The following CNTNAP2 variants were observed in gnomAD, a reference collection of about 807,000 sequenced individuals.
CNTNAP2 encodes contactin-associated protein-like 2.
Under a neutral mutation model 155.2 loss-of-function variants are expected in CNTNAP2, and 98 were observed. The ratio of observed to expected loss-of-function variants is 0.63; its 90% CI spans 0.54 to 0.75. The LOEUF is 0.75. Ranked by LOEUF, CNTNAP2 falls within the 30% of genes least tolerant of loss-of-function variation. The pLI, the probability that CNTNAP2 is intolerant of heterozygous loss-of-function variation, is 0.00. For synonymous variants in CNTNAP2, 651 were observed against 631.2 expected, an observed-to-expected ratio of 1.03 and a Z score of -0.47; for missense variants, 1,727 against 1,688.1, an observed-to-expected ratio of 1.02 and a Z score of -0.40.
intron 9 of CNTNAP2, among the ~76,000 whole-genome samples, chr7:147,349,065 TTGTATACCAC>T (rs1450756102): frequency 6.6e-6 from 1 of 151,920 alleles, no homozygotes; most frequent in African/African-American, 2.4e-5. Flanking sequence ...AATTCTGGTG[TTGTATACCAC>T]TGTAGGATAA....
In CNTNAP2 at chr7:146,718,415, G is replaced by T. The variant is rs140877515; in HGVS notation, c.98-55856G>T. On this transcript the variant is annotated intron_variant, in intron 1 of 23. Transcript: ENST00000361727. Reference sequence around the variant, plus strand: ...ATTGACTGGAAGAATTGTGTCTCTTGGTGGGTAACTGTGCATGGGGTGCTA... The same window carrying T: ...ATTGACTGGAAGAATTGTGTCTCTTTGTGGGTAACTGTGCATGGGGTGCTA... Among the ~76,000 whole-genome samples the T allele has an allele frequency of 1.6e-3, 246 of 152,134 alleles. 2 individuals carry two copies. The highest frequency in any genetic ancestry group is 3.7e-3 in the African/African-American group (155 of 41,514).
intron 11 of CNTNAP2, among the ~76,000 whole-genome samples, chr7:147,559,859 C>T (rs1200937054): frequency 4.0e-5 from 5 of 125,088 alleles, no homozygotes; most frequent in African/African-American, 6.2e-5. Flanking sequence ...TATGTCTTGC[C>T]GATCTTAAAA....
chr7:147,064,376 A>G (rs1004089530), intron 4 of CNTNAP2, among the ~76,000 whole-genome samples: 4 of 152,206 alleles, frequency 2.6e-5, no homozygotes, highest in African/African-American at 9.6e-5. Context: ...TGTTAAGTGC[A>G]TATCCTACCA....
intron 10 of CNTNAP2, among the ~76,000 whole-genome samples, chr7:147,424,126 G>C (rs757055533): frequency 1.3e-5 from 2 of 151,972 alleles, no homozygotes; most frequent in Non-Finnish European, 2.9e-5. Flanking sequence ...ACTTCATTCC[G>C]CTGCTCCATT....
intron 8 of CNTNAP2, among the ~76,000 whole-genome samples, chr7:147,166,991 G>T (rs1198276924): frequency 1.3e-5 from 2 of 152,044 alleles, no homozygotes; most frequent in Admixed American, 1.3e-4. Flanking sequence ...TAGTAGTTTT[G>T]TTATATCTAG....
chr7:146,634,749 T>C (rs1799569956), intron 1 of CNTNAP2, among the ~76,000 whole-genome samples: 1 of 152,204 alleles, frequency 6.6e-6, no homozygotes, highest in South Asian at 2.1e-4. Flanking sequence ...CTCTGGGTTT[T>C]GTTACTTTTT....
chr7:148,291,700 A>G (rs1013049381), intron 21 of CNTNAP2, among the ~76,000 whole-genome samples: 1 of 152,152 alleles, frequency 6.6e-6, no homozygotes, highest in Non-Finnish European at 1.5e-5. Flanking sequence ...GTTAGTATTA[A>G]CCCTCACAGC....
intron 1 of CNTNAP2, among the ~76,000 whole-genome samples, chr7:146,581,170 C>G (rs528750780): frequency 6.6e-6 from 1 of 152,214 alleles, no homozygotes; most frequent in Non-Finnish European, 1.5e-5. Context: ...AATCTAGACT[C>G]ATCTTCAGAA....
chr7:146,523,277 G>A (rs1291366715), intron 1 of CNTNAP2, among the ~76,000 whole-genome samples: 1 of 151,858 alleles, frequency 6.6e-6, no homozygotes, highest in African/African-American at 2.4e-5. Context: ...TAAAATTTCG[G>A]TCCAATTCTC....
chr7:146,682,431 T>C (rs62481375), intron 1 of CNTNAP2, among the ~76,000 whole-genome samples: 7 of 152,304 alleles, frequency 4.6e-5, no homozygotes, highest in Middle Eastern at 6.8e-3. Context: ...ATCAGTGGCT[T>C]ATTACATAGG....
At chr7:146,670,958 C>A (rs1039078279) in intron 1 of CNTNAP2, among the ~76,000 whole-genome samples, 1 of 152,134 alleles carries the variant, frequency 6.6e-6, no homozygotes, top group African/African-American at 2.4e-5. Flanking sequence ...TATACAGTTT[C>A]CACCTGTTCA....
intron 8 of CNTNAP2, among the ~76,000 whole-genome samples, chr7:147,197,279 T>C (rs1802824358): frequency 6.6e-6 from 1 of 152,104 alleles, no homozygotes; most frequent in Admixed American, 6.5e-5. Flanking sequence ...CTAGGGGGTA[T>C]TTAAACCCCA....
chr7:148,178,458 A>C (rs1049564837), intron 18 of CNTNAP2, among the ~76,000 whole-genome samples: 3 of 152,204 alleles, frequency 2.0e-5, no homozygotes, highest in Non-Finnish European at 2.9e-5. Flanking sequence ...AGTCACACAA[A>C]TAATGTGCCA....
chr7:147,367,944 T>G (rs2116908590), intron 9 of CNTNAP2, among the ~76,000 whole-genome samples: 1 of 152,034 alleles, frequency 6.6e-6, no homozygotes, highest in Admixed American at 6.6e-5. Context: ...ATGGTTGATC[T>G]CACATAGCCA....
intron 1 of CNTNAP2, among the ~76,000 whole-genome samples, chr7:146,663,750 TG>T (rs1286749388): frequency 6.6e-6 from 1 of 152,222 alleles, no homozygotes; most frequent in Non-Finnish European, 1.5e-5. Context: ...GCAGCTTTTC[TG>T]TAAAGTGTTT....
chr7:147,617,864 G>A (rs988536651), intron 12 of CNTNAP2, among the ~76,000 whole-genome samples: 3 of 152,034 alleles, frequency 2.0e-5, no homozygotes, highest in Non-Finnish European at 2.9e-5. Flanking sequence ...TAAGAATATA[G>A]CTTCCTTTAA....
intron 3 of CNTNAP2, among the ~76,000 whole-genome samples, chr7:146,934,261 A>G (rs1025661299): frequency 5.9e-5 from 9 of 152,186 alleles, no homozygotes; most frequent in African/African-American, 1.9e-4. Context: ...CTATGCAGCC[A>G]TAAGAAATGA....
intron 1 of CNTNAP2, among the ~76,000 whole-genome samples, chr7:146,314,164 A>G (rs1246246300): frequency 1.3e-5 from 2 of 152,160 alleles, no homozygotes; most frequent in Non-Finnish European, 2.9e-5. Flanking sequence ...AAAGAAATCA[A>G]TTGATCATAA....
chr7:147,760,662 A>G (rs1162354884), intron 13 of CNTNAP2, among the ~76,000 whole-genome samples: 1 of 152,170 alleles, frequency 6.6e-6, no homozygotes, highest in East Asian at 1.9e-4. Context: ...TTGAGGCTGA[A>G]TCTCAAGGCA....
Sources: gnomAD v4.1 joint callset for allele counts (sites outside exome capture counted in the v4.1 genomes callset) on GRCh38, gnomAD v4.1.1 for gene constraint, MANE v1.5 for transcripts, NCBI Gene and HGNC (gene_info 2026-07-23, HGNC 2026-07-21) for gene names.